RABGAP1L: variants seen among roughly 807,000 people sequenced by gnomAD.
RABGAP1L encodes the protein RAB GTPase activating protein 1 like.
RABGAP1L carries 63 observed loss-of-function variants against 137.7 expected under a neutral mutation model. The ratio of observed to expected loss-of-function variants is 0.46; its 90% CI spans 0.37 to 0.56. The LOEUF (loss-of-function observed/expected upper bound fraction) is 0.56. Ranked by LOEUF, RABGAP1L falls within the 20% of genes least tolerant of loss-of-function variation. RABGAP1L has a pLI of 0.00. For missense variants in RABGAP1L, 1,095 were observed against 1,244.0 expected (o/e 0.88, Z 1.80); for synonymous variants, 431 against 433.7 (o/e 0.99, Z 0.08).
chr1:174,935,810 C>T lies in RABGAP1L; in HGVS notation c.2341-21647C>T, dbSNP rs185299130. The stretch of plus-strand genomic sequence containing the variant: ...CAGCCTGGGCAACACAGTGAAACCC[C>T]GTCTCTACTAAAAATAAAAAATTAG... On this transcript the variant is annotated intron_variant, in intron 19 of 25. Transcript: ENST00000681986. Among the ~76,000 whole-genome samples the T allele has an allele frequency of 3.8e-3, 578 of 151,720 alleles. 4 individuals carry two copies. Among genetic ancestry groups the T allele is most frequent in the African/African-American group, 0.013 (552 of 41,344 alleles).
At chr1:174,288,283 CTATT>C (rs1236855251) in intron 10 of RABGAP1L, among the ~76,000 whole-genome samples, 1 of 138,678 alleles carries the variant, frequency 7.2e-6, no homozygotes, top group Non-Finnish European at 1.6e-5. Context: ...TTTTGACTAT[CTATT>C]TGCTTTTACC....
chr1:174,506,097 T>C (rs1661790659), intron 13 of RABGAP1L, among the ~76,000 whole-genome samples: 1 of 152,084 alleles, frequency 6.6e-6, no homozygotes, highest in South Asian at 2.1e-4. Flanking sequence ...GTTGAACTCA[T>C]AGAAACAAAG....
intron 17 of RABGAP1L, among the ~76,000 whole-genome samples, chr1:174,729,789 A>G (rs1228903483): frequency 1.3e-5 from 2 of 152,204 alleles, no homozygotes; most frequent in African/African-American, 4.8e-5. Flanking sequence ...ACCCATCAAC[A>G]TGGCTATTAT....
chr1:174,349,682 G>T (rs1682885348), intron 11 of RABGAP1L, among the ~76,000 whole-genome samples: 1 of 136,914 alleles, frequency 7.3e-6, no homozygotes, highest in African/African-American at 2.7e-5. Flanking sequence ...CCGGGCGTGG[G>T]GCTGACACCC....
intron 17 of RABGAP1L, among the ~76,000 whole-genome samples, chr1:174,736,546 T>C (rs920453914): frequency 3.9e-5 from 6 of 152,244 alleles, no homozygotes; most frequent in African/African-American, 1.4e-4. Context: ...AAACAGCCTC[T>C]TTCCTGCAGC....
chr1:174,948,275 C>T (rs777617219), intron 19 of RABGAP1L, among the ~76,000 whole-genome samples: 10 of 151,958 alleles, frequency 6.6e-5, no homozygotes, highest in Non-Finnish European at 1.2e-4. Context: ...AATCCCAGCA[C>T]TTTGGGAGGC....
chr1:174,567,449 G>T (rs548855344), intron 13 of RABGAP1L, among the ~76,000 whole-genome samples: 2 of 152,180 alleles, frequency 1.3e-5, no homozygotes, highest in South Asian at 4.1e-4. Flanking sequence ...TTATAAAATG[G>T]TTTCATAATA....
rs538886798 is a variant in RABGAP1L at position 174,544,090 on chromosome 1, G to A, written c.1711-93285G>A. ...TATGTGTCTTGGAGTTGCTCTTCTC[G>A]AGGAGTATCTTTGTGGCGTTCTCTG... On this transcript the variant is annotated intron_variant, in intron 13 of 25. Transcript: ENST00000681986. 9.9e-5 allele frequency among the ~76,000 whole-genome samples: 15 copies of A among 152,128 alleles called. No homozygotes were observed. In the East Asian group the frequency reaches 2.3e-3, roughly 24 times the overall value.
intron 11 of RABGAP1L, among the ~76,000 whole-genome samples, chr1:174,319,153 G>T (rs2148821362): frequency 6.6e-6 from 1 of 151,982 alleles, no homozygotes; most frequent in Non-Finnish European, 1.5e-5. Flanking sequence ...TTTTCTTTCA[G>T]GTTGAAGAAC....
intron 11 of RABGAP1L, among the ~76,000 whole-genome samples, chr1:174,316,246 T>G (rs1205697123): frequency 6.6e-6 from 1 of 152,212 alleles, no homozygotes; most frequent in East Asian, 1.9e-4. Flanking sequence ...CCTGGTGTCT[T>G]ATTGAGTTCA....
intron 11 of RABGAP1L, among the ~76,000 whole-genome samples, chr1:174,360,560 A>G (rs976853248): frequency 6.6e-6 from 1 of 152,184 alleles, no homozygotes; most frequent in Non-Finnish European, 1.5e-5. Flanking sequence ...AGATGTTTTT[A>G]ACATTATAGT....
chr1:174,217,277 A>G (rs1366005349), intron 1 of RABGAP1L, among the ~76,000 whole-genome samples: 1 of 152,186 alleles, frequency 6.6e-6, no homozygotes, highest in Non-Finnish European at 1.5e-5. Context: ...TTAAGATACG[A>G]TAAGACTTCC....
At chr1:174,392,972 A>G (rs1299359610) in intron 12 of RABGAP1L, among the ~76,000 whole-genome samples, 1 of 152,224 alleles carries the variant, frequency 6.6e-6, no homozygotes, top group African/African-American at 2.4e-5. Context: ...ATAGTTCCAG[A>G]TTCAAGCTAG....
intron 18 of RABGAP1L, among the ~76,000 whole-genome samples, chr1:174,769,093 G>T (rs538806751): frequency 6.6e-6 from 1 of 152,232 alleles, no homozygotes; most frequent in East Asian, 1.9e-4. Flanking sequence ...AATTCATGGA[G>T]CATTGCAGTA....
At chr1:174,357,625 A>G (rs1683749382) in intron 11 of RABGAP1L, among the ~76,000 whole-genome samples, 1 of 152,240 alleles carries the variant, frequency 6.6e-6, no homozygotes, top group South Asian at 2.1e-4. Flanking sequence ...AGAAGTCTAC[A>G]TAGGAGCAAA....
rs542962476 is a variant in RABGAP1L at position 174,317,818 on chromosome 1, G to A, written c.1465+12691G>A. 3.3e-5 allele frequency among the ~76,000 whole-genome samples: 5 copies of A among 152,188 alleles called. No individual in the cohort carries two copies. The East Asian group carries it at 5.8e-4, about 18-fold the overall frequency. On this transcript the variant is annotated intron_variant, in intron 11 of 25. Coordinates refer to ENST00000681986, the MANE Select transcript of RABGAP1L (RefSeq NM_001366446.1). ...GTCTGCAGGAACTCAAATTTGTACC[G>A]CTGGGGTCAGGGATTTCCCTTTGGC...
At chr1:174,943,645 C>A (rs2149299534) in intron 19 of RABGAP1L, among the ~76,000 whole-genome samples, 1 of 152,098 alleles carries the variant, frequency 6.6e-6, no homozygotes, top group Admixed American at 6.6e-5. Flanking sequence ...ACCAGCCTGG[C>A]CAACATGGTG....
intron 13 of RABGAP1L, among the ~76,000 whole-genome samples, chr1:174,447,103 T>C (rs924427772): frequency 1.4e-4 from 22 of 152,194 alleles, no homozygotes; most frequent in Non-Finnish European, 2.8e-4. Context: ...TTTTAAGTTA[T>C]AGATGCCAAA....
chr1:174,992,567 A>C lies in RABGAP1L; in HGVS notation c.*2566A>C, dbSNP rs1416211756. On this transcript the variant is annotated 3_prime_UTR_variant, in exon 26 of 26. Transcript: ENST00000681986. ...TTTTTTTTTTATTCTCCAGCCCCAT[A>C]TCATACTTGGGTATGCCTGTTGGTA... The C allele has an allele frequency of 6.6e-6, 1 of 151,624 alleles. No homozygotes were observed. Among genetic ancestry groups the C allele is most frequent in the Non-Finnish European group, 1.5e-5 (1 of 67,946 alleles). The allele number at this position is 151,624 out of a possible 1,614,324, so 9.4% of individuals were successfully genotyped here.
Sources: allele counts gnomAD v4.1 joint callset (sites outside exome capture counted in the v4.1 genomes callset), GRCh38; gene constraint gnomAD v4.1.1; transcripts MANE v1.5; gene names NCBI Gene and HGNC (gene_info 2026-07-23, HGNC 2026-07-21).